MSH3: variants seen among roughly 807,000 people sequenced by gnomAD.
MSH3 encodes mutS homolog 3.
Under a neutral mutation model 123.3 loss-of-function variants are expected in MSH3, and 106 were observed. The ratio of observed to expected loss-of-function variants is 0.86; its 90% CI spans 0.73 to 1.01. The LOEUF (loss-of-function observed/expected upper bound fraction) is 1.01. Ranked by LOEUF, MSH3 falls within the 50% of genes least tolerant of loss-of-function variation. MSH3 has a pLI of 0.00. For synonymous variants in MSH3, 515 were observed against 481.4 expected (o/e 1.07, Z -0.91); for missense variants, 1,459 against 1,347.6 (o/e 1.08, Z -1.29).
At chr5:80,754,585 G>A (rs1743891629) in intron 12 of MSH3, among the ~76,000 whole-genome samples, 1 of 152,138 alleles carries the variant, frequency 6.6e-6, no homozygotes. Context: ...GAGCAAATGA[G>A]TAATACCTTT....
At chr5:80,724,108 C>T (rs562770920) in intron 8 of MSH3, among the ~76,000 whole-genome samples, 1 of 152,278 alleles carries the variant, frequency 6.6e-6, no homozygotes, top group South Asian at 2.1e-4. Flanking sequence ...GGGATATGTG[C>T]AGGCTACAAC....
chr5:80,771,928 A>G (rs1313797390), intron 15 of MSH3, among the ~76,000 whole-genome samples: 2 of 152,184 alleles, frequency 1.3e-5, no homozygotes, highest in Non-Finnish European at 2.9e-5. Flanking sequence ...TTATATTTTT[A>G]TGTAATAATG....
At chr5:80,677,883 T>C (rs1749878584) in intron 7 of MSH3, among the ~76,000 whole-genome samples, 1 of 152,264 alleles carries the variant, frequency 6.6e-6, no homozygotes, top group African/African-American at 2.4e-5. Flanking sequence ...TATTCATTCC[T>C]GTTGATGGAC....
intron 21 of MSH3, 30 bp downstream of exon 21, chr5:80,854,346 G>A (rs957327358): frequency 6.4e-7 from 1 of 1,573,476 alleles, no homozygotes; most frequent in African/African-American, 1.4e-5. Context: ...TATTTAAAAA[G>A]AAATTAATTT....
At chr5:80,860,861 CTT>C (rs1187973425) in intron 21 of MSH3, among the ~76,000 whole-genome samples, 1 of 151,850 alleles carries the variant, frequency 6.6e-6, no homozygotes, top group African/African-American at 2.4e-5. Flanking sequence ...TTTTTCTAGT[CTT>C]TTTCTGTTTG....
At chr5:80,778,204 A>C (rs1057307860) in intron 16 of MSH3, among the ~76,000 whole-genome samples, 1 of 152,248 alleles carries the variant, frequency 6.6e-6, no homozygotes, top group African/African-American at 2.4e-5. Context: ...GTGAATCTGC[A>C]CAGATCACAG....
intron 20 of MSH3, among the ~76,000 whole-genome samples, chr5:80,821,928 C>T (rs550167156): frequency 4.6e-5 from 7 of 152,294 alleles, no homozygotes; most frequent in Admixed American, 1.3e-4. Context: ...TGTCTCTGAC[C>T]CAGTGGCCTT....
chr5:80,721,537 A>G (rs1230698185), intron 8 of MSH3, among the ~76,000 whole-genome samples: 1 of 152,248 alleles, frequency 6.6e-6, no homozygotes, highest in South Asian at 2.1e-4. Flanking sequence ...TCCGATTGTT[A>G]GAGTTCTGTT....
intron 8 of MSH3, among the ~76,000 whole-genome samples, chr5:80,682,071 C>A (rs930108822): frequency 6.6e-6 from 1 of 152,044 alleles, no homozygotes; most frequent in Non-Finnish European, 1.5e-5. Context: ...ACTTTATTTG[C>A]ATATTGGACT....
intron 3 of MSH3, among the ~76,000 whole-genome samples, chr5:80,667,743 G>T (rs1269140008): frequency 6.6e-6 from 1 of 152,200 alleles, no homozygotes; most frequent in South Asian, 2.1e-4. Context: ...ACACAGTGGC[G>T]CCCAGAAGCT....
At chr5:80,704,838 A>T (rs1375245389) in intron 8 of MSH3, among the ~76,000 whole-genome samples, 2 of 152,184 alleles carry the variant, frequency 1.3e-5, no homozygotes, top group African/African-American at 4.8e-5. Flanking sequence ...CCTTTCCTCT[A>T]GTCTTGCCCT....
intron 8 of MSH3, among the ~76,000 whole-genome samples, chr5:80,719,907 C>T (rs1000309546): frequency 9.2e-5 from 14 of 152,184 alleles, no homozygotes; most frequent in Non-Finnish European, 1.9e-4. Context: ...CTTGTTAAAG[C>T]GCCGAGTACT....
At chr5:80,729,829 C>G (rs1173169378) in intron 10 of MSH3, among the ~76,000 whole-genome samples, 1 of 152,166 alleles carries the variant, frequency 6.6e-6, no homozygotes, top group Non-Finnish European at 1.5e-5. Flanking sequence ...CCTTCACCAG[C>G]CCCTTGTCTT....
rs773431505 is a variant in MSH3 at position 80,675,079 on chromosome 5, A to T, written c.1124A>T (p.Lys375Met). ...TATCTTCTGTGCATCTCTGAAAATAAGGAAAATGTTAGGGACAAAAAAAAG... is the reference window on the plus strand; with the variant it reads ...TATCTTCTGTGCATCTCTGAAAATATGGAAAATGTTAGGGACAAAAAAAAG... Reference protein sequence around the residue: ...TSYLLCISENKENVRDKKKGN... With the variant: ...TSYLLCISENMENVRDKKKGN... The change falls in exon 7 of 24, where the codon AAG becomes ATG. Residue 375 changes from lysine to methionine, a missense_variant. By Grantham distance (95) the Lys-to-Met change is moderately conservative. Coordinates refer to ENST00000265081, the MANE Select transcript of MSH3 (RefSeq NM_002439.5). The T allele has an allele frequency of 6.2e-7, 1 of 1,613,882 alleles. No homozygotes were observed. The highest frequency in any genetic ancestry group is 1.7e-5 in the Admixed American group (1 of 60,014).
At chr5:80,863,320 A>T (rs1746044759) in intron 21 of MSH3, among the ~76,000 whole-genome samples, 2 of 152,272 alleles carry the variant, frequency 1.3e-5, no homozygotes, top group South Asian at 4.1e-4. Context: ...GTCAGGGTAC[A>T]GTTTGGTTTT....
chr5:80,734,910 A>G (rs1743476795), intron 10 of MSH3, among the ~76,000 whole-genome samples: 1 of 152,154 alleles, frequency 6.6e-6, no homozygotes, highest in Non-Finnish European at 1.5e-5. Context: ...GTGTTGTCCA[A>G]TACCTGAGAA....
At chr5:80,761,474 C>A in intron 12 of MSH3, 72 bp from the exon 13 acceptor site, 2 of 1,559,690 alleles carry the variant, frequency 1.3e-6, no homozygotes, top group Non-Finnish European at 1.8e-6. Flanking sequence ...CATTCCTGGG[C>A]ATTAGAGTGG....
chr5:80,688,676 CTG>C (rs1333336857), intron 8 of MSH3, among the ~76,000 whole-genome samples: 2 of 151,922 alleles, frequency 1.3e-5, no homozygotes, highest in African/African-American at 4.8e-5. Flanking sequence ...AATTAGGTAT[CTG>C]TGTTATGACT....
intron 8 of MSH3, among the ~76,000 whole-genome samples, chr5:80,694,346 A>G (rs983881892): frequency 2.6e-5 from 4 of 152,206 alleles, no homozygotes; most frequent in African/African-American, 7.2e-5. Context: ...TACATTATAT[A>G]TACATAACTT....
Sources: allele counts gnomAD v4.1 joint callset (sites outside exome capture counted in the v4.1 genomes callset), GRCh38; gene constraint gnomAD v4.1.1; transcripts MANE v1.5; gene names NCBI Gene and HGNC (gene_info 2026-07-23, HGNC 2026-07-21).